Variants in LRRC4C observed in about 807,000 individuals in gnomAD.
The protein encoded by LRRC4C is leucine-rich repeat-containing protein 4C.
LRRC4C carries 5 observed loss-of-function variants against 33.6 expected under a neutral mutation model. The ratio of observed to expected loss-of-function variants is 0.15; its 90% CI spans 0.08 to 0.31. LRRC4C has a LOEUF of 0.31. LRRC4C is among the 10% of genes least tolerant of loss of function. The pLI is 1.00. For missense variants in LRRC4C, 560 were observed against 796.7 expected (o/e 0.70, Z 3.58); for synonymous variants, 329 against 302.0 (o/e 1.09, Z -0.93).
intron 3 of LRRC4C, among the ~76,000 whole-genome samples, chr11:40,437,102 C>A (rs1054472117): frequency 2.0e-5 from 3 of 152,032 alleles, no homozygotes; most frequent in African/African-American, 7.2e-5. Context: ...TTTTTGATTT[C>A]TGGAAGCCAG....
intron 6 of LRRC4C, among the ~76,000 whole-genome samples, chr11:40,133,183 C>T (rs189792882): frequency 2.8e-3 from 421 of 152,164 alleles, no homozygotes; most frequent in Middle Eastern, 0.017. Context: ...ATTAATCCTT[C>T]GAAAATGCTC....
At chr11:40,563,001 C>T (rs369291192) in intron 3 of LRRC4C, among the ~76,000 whole-genome samples, 1 of 151,340 alleles carries the variant, frequency 6.6e-6, no homozygotes, top group African/African-American at 2.4e-5. Flanking sequence ...TCTCTGCCTA[C>T]TTCTCTTCCT....
intron 6 of LRRC4C, among the ~76,000 whole-genome samples, chr11:40,118,123 T>A (rs954552275): frequency 6.7e-6 from 1 of 148,292 alleles, no homozygotes; most frequent in African/African-American, 2.4e-5. Context: ...ATTGTTAATA[T>A]GAAAATATTT....
intron 1 of LRRC4C, among the ~76,000 whole-genome samples, chr11:41,334,452 C>T (rs1305326499): frequency 1.3e-5 from 2 of 152,022 alleles, no homozygotes; most frequent in Admixed American, 6.6e-5. Context: ...AAATTGATGA[C>T]TAACTGATTA....
intron 4 of LRRC4C, among the ~76,000 whole-genome samples, chr11:40,264,565 A>G (rs1285605026): frequency 6.6e-6 from 1 of 152,158 alleles, no homozygotes; most frequent in Admixed American, 6.5e-5. Context: ...GCATCCTCTG[A>G]ACCATAATTT....
intron 1 of LRRC4C, among the ~76,000 whole-genome samples, chr11:40,949,879 A>T (rs1209881499): frequency 6.6e-6 from 1 of 152,120 alleles, no homozygotes; most frequent in Non-Finnish European, 1.5e-5. Flanking sequence ...TTAACTTTAA[A>T]TGTAAAGGGA....
At chr11:41,061,921 A>C (rs926089172) in intron 1 of LRRC4C, among the ~76,000 whole-genome samples, 3 of 152,218 alleles carry the variant, frequency 2.0e-5, no homozygotes, top group African/African-American at 7.2e-5. Context: ...TGGGCAGCAC[A>C]TAGAAAGCAG....
intron 2 of LRRC4C, among the ~76,000 whole-genome samples, chr11:40,906,751 A>ATGTT (rs1956436726): frequency 6.6e-6 from 1 of 151,982 alleles, no homozygotes; most frequent in Non-Finnish European, 1.5e-5. Flanking sequence ...ATAAATTCAC[A>ATGTT]TGTATGTATT....
At chr11:40,912,135 CAGG>C (rs755397679) in intron 2 of LRRC4C, among the ~76,000 whole-genome samples, 1 of 152,152 alleles carries the variant, frequency 6.6e-6, no homozygotes, top group Non-Finnish European at 1.5e-5. Flanking sequence ...GGATATTATC[CAGG>C]AGAACTTCCC....
At chr11:41,342,494 C>A (rs1951673230) in intron 1 of LRRC4C, among the ~76,000 whole-genome samples, 1 of 152,102 alleles carries the variant, frequency 6.6e-6, no homozygotes, top group Non-Finnish European at 1.5e-5. Context: ...GGGGGTGGAC[C>A]ACTTGAGGTC....
chr11:41,367,666 C>G (rs1952594634), intron 1 of LRRC4C, among the ~76,000 whole-genome samples: 1 of 151,934 alleles, frequency 6.6e-6, no homozygotes, highest in Non-Finnish European at 1.5e-5. Context: ...TATACATACC[C>G]CTTCTTCATA....
At chr11:40,244,754 T>C (rs1355593043) in intron 4 of LRRC4C, among the ~76,000 whole-genome samples, 5 of 152,088 alleles carry the variant, frequency 3.3e-5, no homozygotes, top group Middle Eastern at 3.4e-3. Context: ...GGCCCTGAAG[T>C]ACACGTTATG....
chr11:41,386,848 T>C (rs903186911), intron 1 of LRRC4C, among the ~76,000 whole-genome samples: 4 of 151,774 alleles, frequency 2.6e-5, no homozygotes, highest in Admixed American at 2.0e-4. Flanking sequence ...CACCCAAGTA[T>C]GTAAAAGTGT....
intron 2 of LRRC4C, among the ~76,000 whole-genome samples, chr11:40,909,209 T>A (rs988287189): frequency 3.3e-5 from 5 of 152,120 alleles, no homozygotes; most frequent in Non-Finnish European, 7.4e-5. Context: ...CAGCTATTTA[T>A]CATCTCCTTT....
At chr11:40,600,382 T>A (rs956823072) in intron 3 of LRRC4C, among the ~76,000 whole-genome samples, 5 of 152,324 alleles carry the variant, frequency 3.3e-5, no homozygotes, top group African/African-American at 1.2e-4. Flanking sequence ...AAATGAATTG[T>A]AGTATACTTT....
At chr11:41,294,810 A>C (rs1950092055) in intron 1 of LRRC4C, among the ~76,000 whole-genome samples, 1 of 152,196 alleles carries the variant, frequency 6.6e-6, no homozygotes, top group African/African-American at 2.4e-5. Flanking sequence ...ATTGAGTCAT[A>C]ATGCACACTG....
At chr11:40,500,682 C>T (rs1954717752) in intron 3 of LRRC4C, among the ~76,000 whole-genome samples, 1 of 152,076 alleles carries the variant, frequency 6.6e-6, no homozygotes. Flanking sequence ...AATTATCTCC[C>T]ACCAGGTCCC....
intron 1 of LRRC4C, among the ~76,000 whole-genome samples, chr11:41,370,235 G>A (rs1389984945): frequency 1.3e-5 from 2 of 152,052 alleles, no homozygotes; most frequent in Non-Finnish European, 2.9e-5. Context: ...CCAGGCTGAA[G>A]TACAGTGGAA....
chr11:40,210,769 A>C (rs1332301869), intron 5 of LRRC4C, among the ~76,000 whole-genome samples: 1 of 152,072 alleles, frequency 6.6e-6, no homozygotes, highest in Non-Finnish European at 1.5e-5. Context: ...TTTGTAAAAA[A>C]TACAACTTTT....
Sources: allele counts gnomAD v4.1 joint callset (sites outside exome capture counted in the v4.1 genomes callset), GRCh38; gene constraint gnomAD v4.1.1; transcripts MANE v1.5; gene names NCBI Gene and HGNC (gene_info 2026-07-23, HGNC 2026-07-21).